Variants in RGS17 observed in about 807,000 individuals in gnomAD.
The protein encoded by RGS17 is regulator of G protein signaling 17, also known as regulator of G-protein signaling 17.
In RGS17, 12 loss-of-function variants were observed where a neutral mutation model predicts 25.5. The observed-to-expected ratio is 0.47, with a 90% confidence interval of 0.30 to 0.76. RGS17 has a LOEUF of 0.76. RGS17 is among the 30% of genes least tolerant of loss of function. The pLI is 0.07. For synonymous variants in RGS17, 71 were observed against 76.9 expected, an observed-to-expected ratio of 0.92 and a Z score of 0.40; for missense variants, 196 against 242.2, an observed-to-expected ratio of 0.81 and a Z score of 1.27.
At chr6:153,041,942 T>C (rs1246576112) in intron 2 of RGS17, among the ~76,000 whole-genome samples, 2 of 152,200 alleles carry the variant, frequency 1.3e-5, no homozygotes, top group Admixed American at 6.5e-5. Context: ...TCTTGGCTTG[T>C]TATGTATTTT....
At chr6:153,091,828 T>C (rs139179671) in intron 1 of RGS17, among the ~76,000 whole-genome samples, 62 of 152,266 alleles carry the variant, frequency 4.1e-4, no homozygotes, top group African/African-American at 1.3e-3. Context: ...ACTTCAAAGA[T>C]TGTAATAAAA....
At chr6:153,044,928 AG>A (rs1262927079) in intron 1 of RGS17, among the ~76,000 whole-genome samples, 102 of 152,346 alleles carry the variant, frequency 6.7e-4, no homozygotes, top group African/African-American at 2.2e-3. Context: ...ATGAACTCTT[AG>A]AAAAAGTAAT....
chr6:153,031,792 C>T (rs1372057857), intron 2 of RGS17, among the ~76,000 whole-genome samples: 5 of 152,206 alleles, frequency 3.3e-5, no homozygotes, highest in African/African-American at 1.2e-4. Context: ...TATCATCCCA[C>T]AGCTATCACT....
At position 153,107,934 on chromosome 6, in the gene RGS17, T is replaced by G. The variant is rs550966882; in HGVS notation, c.-26+23190A>C. On this transcript the variant is annotated intron_variant, in intron 1 of 4. Transcript: ENST00000206262. ...CATTCTTGAAAACAAAGCCATCCGT[T>G]ATTGTGTATATGTCATTTAAAAAAA... 2.0e-5 allele frequency among the ~76,000 whole-genome samples: 3 copies of G among 152,324 alleles called. No individual in the cohort carries two copies. In the East Asian group the frequency reaches 5.8e-4, roughly 29 times the overall value.
At chr6:153,060,619 A>C (rs1399867158) in intron 1 of RGS17, among the ~76,000 whole-genome samples, 1 of 152,190 alleles carries the variant, frequency 6.6e-6, no homozygotes, top group African/African-American at 2.4e-5. Flanking sequence ...CCAACGAAGC[A>C]CTGATATTTT....
At chr6:153,033,987 T>C (rs1776196537) in intron 2 of RGS17, among the ~76,000 whole-genome samples, 1 of 152,226 alleles carries the variant, frequency 6.6e-6, no homozygotes, top group Non-Finnish European at 1.5e-5. Context: ...ATCATTTGTG[T>C]CAAGTGCATT....
At position 153,044,054 on chromosome 6, in the gene RGS17, TAAAACAA is replaced by T; in HGVS notation, c.-25-18_-25-12del. 7.3e-7 allele frequency: 1 copy of T among 1,369,250 alleles called. No homozygotes were observed. The highest frequency in any genetic ancestry group is 1.0e-6 in the Non-Finnish European group (1 of 963,334). 84.8% of individuals were successfully genotyped at this position (1,369,250 alleles called of 1,614,324 possible). Reference sequence around the variant, plus strand: ...TCAGGACCCAGTTGGCTGAAAGAGATAAAACAAAAAATTGGGTATGAAAAAAGCAATA... The same window carrying T: ...TCAGGACCCAGTTGGCTGAAAGAGATAAAATTGGGTATGAAAAAAGCAATA... On this transcript the variant is annotated splice_polypyrimidine_tract_variant and intron_variant, in intron 1 of 4. Transcript: ENST00000206262.
intron 4 of RGS17, among the ~76,000 whole-genome samples, chr6:153,016,903 G>C (rs1271789568): frequency 6.6e-6 from 1 of 152,118 alleles, no homozygotes; most frequent in Non-Finnish European, 1.5e-5. Flanking sequence ...AGTCACCCTA[G>C]GATTCAGGTG....
intron 1 of RGS17, among the ~76,000 whole-genome samples, chr6:153,068,390 T>C (rs1357207949): frequency 6.6e-6 from 1 of 151,990 alleles, no homozygotes; most frequent in Admixed American, 6.6e-5. Context: ...GAGGTTGGAG[T>C]GAACCGAGAT....
intron 4 of RGS17, among the ~76,000 whole-genome samples, chr6:153,020,100 T>TTAAA (rs1333650446): frequency 4.2e-4 from 19 of 45,020 alleles, no homozygotes; most frequent in African/African-American, 1.4e-3. Context: ...GCAAATATCT[T>TTAAA]AAAAAAAAAA....
At chr6:153,099,483 G>A (rs1777263862) in intron 1 of RGS17, among the ~76,000 whole-genome samples, 1 of 152,110 alleles carries the variant, frequency 6.6e-6, no homozygotes, top group Non-Finnish European at 1.5e-5. Context: ...AAGCATAAGT[G>A]AGACAAACCC....
chr6:153,094,874 G>T lies in RGS17; in HGVS notation c.-26+36250C>A, dbSNP rs1034398371. On this transcript the variant is annotated intron_variant, in intron 1 of 4. Transcript: ENST00000206262. ...AGCTCTATAAATAATTTCTGAATTA[G>T]AATATTTAATTTTTAAACATTTTAA... Among the ~76,000 whole-genome samples the T allele has an allele frequency of 3.3e-5, 5 of 149,762 alleles. No individual in the cohort carries two copies. The South Asian group carries it at 1.1e-3, about 32-fold the overall frequency.
intron 2 of RGS17, among the ~76,000 whole-genome samples, chr6:153,029,309 T>C (rs981783186): frequency 1.3e-5 from 2 of 152,214 alleles, no homozygotes; most frequent in Admixed American, 6.5e-5. Flanking sequence ...AGGTTTCAGT[T>C]ATCAAGAACT....
chr6:153,089,143 T>A (rs934252453), intron 1 of RGS17, among the ~76,000 whole-genome samples: 12 of 151,954 alleles, frequency 7.9e-5, no homozygotes, highest in Admixed American at 2.6e-4. Flanking sequence ...CTGATCACAA[T>A]GGTACACTTT....
At chr6:153,029,231 T>G (rs2129107580) in intron 2 of RGS17, among the ~76,000 whole-genome samples, 1 of 152,344 alleles carries the variant, frequency 6.6e-6, no homozygotes, top group African/African-American at 2.4e-5. Context: ...GAAATTGAAC[T>G]TTGGCAACAG....
At chr6:153,105,070 G>T (rs1415467589) in intron 1 of RGS17, among the ~76,000 whole-genome samples, 1 of 152,096 alleles carries the variant, frequency 6.6e-6, no homozygotes, top group Admixed American at 6.5e-5. Flanking sequence ...GCATGGGGGT[G>T]GACAGACAGA....
At chr6:153,016,987 C>T (rs966017297) in intron 4 of RGS17, among the ~76,000 whole-genome samples, 2 of 152,182 alleles carry the variant, frequency 1.3e-5, no homozygotes, top group Non-Finnish European at 2.9e-5. Flanking sequence ...CTGTAAAGAA[C>T]TCATCCTAAG....
chr6:153,089,912 T>A (rs866452630), intron 1 of RGS17, among the ~76,000 whole-genome samples: 2 of 152,210 alleles, frequency 1.3e-5, no homozygotes, highest in Non-Finnish European at 2.9e-5. Context: ...ACATAAAAGA[T>A]AAACTGTTAA....
chr6:153,050,448 A>C (rs573176110), intron 1 of RGS17, among the ~76,000 whole-genome samples: 8 of 152,340 alleles, frequency 5.3e-5, no homozygotes, highest in African/African-American at 1.9e-4. Context: ...CAGGCGGGTC[A>C]TAAAAGAGGA....
Sources: allele counts gnomAD v4.1 joint callset (sites outside exome capture counted in the v4.1 genomes callset), GRCh38; gene constraint gnomAD v4.1.1; transcripts MANE v1.5; gene names NCBI Gene and HGNC (gene_info 2026-07-23, HGNC 2026-07-21).